The following CRY2 variants were observed in gnomAD, a reference collection of about 807,000 sequenced individuals.
The protein encoded by CRY2 is cryptochrome circadian regulator 2.
CRY2 carries 31 observed loss-of-function variants against 69.5 expected under a neutral mutation model. The ratio of observed to expected loss-of-function variants is 0.45; its 90% CI spans 0.34 to 0.60. CRY2 has a LOEUF of 0.60. CRY2 is among the 20% of genes least tolerant of loss of function. The pLI is 0.02. For missense variants in CRY2, 606 were observed against 797.8 expected (o/e 0.76, Z 2.90); for synonymous variants, 303 against 312.2 (o/e 0.97, Z 0.31).
At position 45,882,623 on chromosome 11, in the gene CRY2, G is replaced by T; in HGVS notation, c.*1712G>T. 2.5e-6 allele frequency: 1 copy of T among 399,126 alleles called. No homozygotes were observed. Among genetic ancestry groups the T allele is most frequent in the Non-Finnish European group, 4.4e-6 (1 of 226,118 alleles). 24.7% of individuals were successfully genotyped at this position (399,126 alleles called of 1,614,324 possible). A position where few individuals can be genotyped will look rare whatever the true frequency, so the allele number is the denominator to read the frequency against. ...CACTAGAAATGTCCCATCATCGTGGGAGGGGAGCAGGGCACAGGGGATGGT... is the reference window on the plus strand; with the variant it reads ...CACTAGAAATGTCCCATCATCGTGGTAGGGGAGCAGGGCACAGGGGATGGT... On this transcript the variant is annotated 3_prime_UTR_variant, in exon 12 of 12. Transcript: ENST00000616080.
At position 45,847,524 on chromosome 11, in the gene CRY2, GC is replaced by G; in HGVS notation, c.38del (p.Pro13ArgfsTer73). The G allele has an allele frequency of 1.3e-6, 2 of 1,588,126 alleles. No homozygotes were observed. Among genetic ancestry groups the G allele is most frequent in the African/African-American group, 1.3e-5 (1 of 74,872 alleles). On this transcript the variant is annotated frameshift_variant, in exon 1 of 12. Coordinates refer to ENST00000616080, the MANE Select transcript of CRY2 (RefSeq NM_021117.5). LOFTEE classifies it high-confidence loss of function. The part of the protein sequence containing the change: ...AATVATAAAV[A>X]PAPAPGTDSA... ...GACTGTGGCGACGGCGGCAGCTGTG[GC>G]CCCGGCGCCAGCGCCCGGCACGGAC...
At chr11:45,873,359 C>T (rs1309384912) in intron 11 of CRY2, among the ~76,000 whole-genome samples, 2 of 152,250 alleles carry the variant, frequency 1.3e-5, no homozygotes, top group Non-Finnish European at 2.9e-5. Context: ...TTGATGCCTG[C>T]ACCCTTCACC....
At chr11:45,848,240 G>T (rs1343420811) in intron 1 of CRY2, among the ~76,000 whole-genome samples, 1 of 152,132 alleles carries the variant, frequency 6.6e-6, no homozygotes, top group Non-Finnish European at 1.5e-5. Flanking sequence ...TGCCTCTAGG[G>T]GTGTCAAGTG....
chr11:45,852,039 G>A (rs1002083174), intron 1 of CRY2, among the ~76,000 whole-genome samples: 3 of 152,182 alleles, frequency 2.0e-5, no homozygotes, highest in African/African-American at 7.2e-5. Context: ...ATTCTAAAAG[G>A]CTAGCCTTGT....
At chr11:45,856,935 C>T (rs1248452912) in intron 2 of CRY2, among the ~76,000 whole-genome samples, 1 of 152,136 alleles carries the variant, frequency 6.6e-6, no homozygotes, top group Non-Finnish European at 1.5e-5. Flanking sequence ...TTCCCTCAAT[C>T]CCTTTAAAAA....
Position 45,879,558 on chromosome 11 carries a change from C to G in CRY2, c.*3-1356C>G, listed in dbSNP as rs552879628. 2.0e-5 allele frequency among the ~76,000 whole-genome samples: 3 copies of G among 152,342 alleles called. No homozygotes were observed. The East Asian group carries it at 5.8e-4, about 29-fold the overall frequency. Reference sequence around the variant, plus strand: ...AATACTATCGTATAGAGATTACTTGCTAGTAAAAAGACAGATTTGAGAATC... The same window carrying G: ...AATACTATCGTATAGAGATTACTTGGTAGTAAAAAGACAGATTTGAGAATC... On this transcript the variant is annotated intron_variant, in intron 11 of 11. Coordinates refer to ENST00000616080, the MANE Select transcript of CRY2 (RefSeq NM_021117.5).
At chr11:45,875,165 G>A (rs2086415785) in intron 11 of CRY2, among the ~76,000 whole-genome samples, 1 of 152,246 alleles carries the variant, frequency 6.6e-6, no homozygotes, top group African/African-American at 2.4e-5. Context: ...TAACCAGGAA[G>A]TGTGGATACT....
chr11:45,858,837 T>C lies in CRY2; in HGVS notation c.431T>C (p.Val144Ala). 6.2e-7 allele frequency: 1 copy of C among 1,614,176 alleles called. No individual in the cohort carries two copies. Among genetic ancestry groups the C allele is most frequent in the Non-Finnish European group, 8.5e-7 (1 of 1,180,028 alleles). Residue 144 changes from valine to alanine, a missense_variant, in exon 3 of 12, where the codon GTG becomes GCG. Physicochemically the swap from Val to Ala is moderately conservative, Grantham distance 64 (BLOSUM62 0). This residue lies in a region of CRY2 where 382 missense variants were observed against 508.9 expected (regional missense o/e 0.75). Coordinates refer to ENST00000616080, the MANE Select transcript of CRY2 (RefSeq NM_021117.5). Reference sequence around the variant, plus strand: ...GCCAAGGAGGCTGGTGTGGAAGTAGTGACGGAGAATTCTCATACCCTCTAT... The same window carrying C: ...GCCAAGGAGGCTGGTGTGGAAGTAGCGACGGAGAATTCTCATACCCTCTAT... ...KMAKEAGVEV[V>A]TENSHTLYDL...
At chr11:45,865,575 T>C (rs2086324555) in intron 5 of CRY2, among the ~76,000 whole-genome samples, 2 of 151,644 alleles carry the variant, frequency 1.3e-5, no homozygotes, top group African/African-American at 4.9e-5. Flanking sequence ...GAAGGAAGAG[T>C]CTCAGTTAAC....
At chr11:45,867,462 C>A in intron 5 of CRY2, 150 bp from the exon 6 acceptor site, 2 of 940,536 alleles carry the variant, frequency 2.1e-6, no homozygotes, top group Non-Finnish European at 1.6e-6. Context: ...GTGGTTCCGT[C>A]TCAAAATCGG....
At chr11:45,861,194 A>G (rs979416108) in intron 4 of CRY2, 162 bp downstream of exon 4, 22 of 697,732 alleles carry the variant, frequency 3.2e-5, no homozygotes, top group Non-Finnish European at 4.9e-5. Flanking sequence ...GGTAACCACA[A>G]TTAATTTTAA....
At chr11:45,871,778 G>C (rs566782951) in intron 10 of CRY2, among the ~76,000 whole-genome samples, 2 of 152,326 alleles carry the variant, frequency 1.3e-5, no homozygotes, top group Middle Eastern at 3.4e-3. Context: ...GCTGATTCAG[G>C]GTTGCAGAGG....
intron 6 of CRY2, among the ~76,000 whole-genome samples, chr11:45,869,262 C>T (rs1190475801): frequency 1.3e-5 from 2 of 152,178 alleles, no homozygotes; most frequent in East Asian, 1.9e-4. Flanking sequence ...GTGGTGAGGC[C>T]CCTTCCCACT....
At chr11:45,849,352 A>G (rs977405916) in intron 1 of CRY2, among the ~76,000 whole-genome samples, 2 of 152,202 alleles carry the variant, frequency 1.3e-5, no homozygotes, top group Admixed American at 6.5e-5. Flanking sequence ...TGCAGATATT[A>G]ATTGATCACT....
chr11:45,853,075 CA>C (rs2086209633), intron 1 of CRY2, among the ~76,000 whole-genome samples: 1 of 152,198 alleles, frequency 6.6e-6, no homozygotes, highest in African/African-American at 2.4e-5. Flanking sequence ...ACGAACATGT[CA>C]AGCCTGACAG....
chr11:45,878,490 A>T (rs982893420), intron 11 of CRY2, among the ~76,000 whole-genome samples: 1 of 152,238 alleles, frequency 6.6e-6, no homozygotes, highest in African/African-American at 2.4e-5. Flanking sequence ...CTGTGTGTGG[A>T]GTATATACTC....
At chr11:45,876,062 G>A (rs1402331006) in intron 11 of CRY2, among the ~76,000 whole-genome samples, 2 of 152,182 alleles carry the variant, frequency 1.3e-5, no homozygotes, top group African/African-American at 4.8e-5. Context: ...GAGGGGAGTG[G>A]CAGGGAGACT....
intron 3 of CRY2, among the ~76,000 whole-genome samples, chr11:45,859,561 C>CAAA (rs528228201): frequency 8.2e-6 from 1 of 122,518 alleles, no homozygotes. Flanking sequence ...GATCCTGTGT[C>CAAA]AAAAAAAAAA....
At chr11:45,877,971 C>G (rs2086436700) in intron 11 of CRY2, among the ~76,000 whole-genome samples, 1 of 152,226 alleles carries the variant, frequency 6.6e-6, no homozygotes, top group African/African-American at 2.4e-5. Context: ...TAGGGCTTAT[C>G]TGAGTCCAGG....
Sources: gnomAD v4.1 joint callset for allele counts (sites outside exome capture counted in the v4.1 genomes callset) on GRCh38, gnomAD v4.1.1 for gene constraint, gnomAD v4.1.1 regional missense constraint, MANE v1.5 for transcripts, NCBI Gene and HGNC (gene_info 2026-07-23, HGNC 2026-07-21) for gene names.